RAI1: variants seen among roughly 807,000 people sequenced by gnomAD.
RAI1 encodes retinoic acid-induced protein 1.
RAI1 carries 9 observed loss-of-function variants against 123.8 expected under a neutral mutation model. The ratio of observed to expected loss-of-function variants is 0.07; its 90% CI spans 0.04 to 0.13. The LOEUF is 0.13. RAI1 is among the 10% of genes least tolerant of loss of function. The pLI is 1.00. For synonymous variants in RAI1, 1,231 were observed against 1,127.3 expected (o/e 1.09, Z -1.84); for missense variants, 2,256 against 2,545.8 (o/e 0.89, Z 2.45).
intron 2 of RAI1, among the ~76,000 whole-genome samples, chr17:17,725,808 C>T (rs543364962): frequency 1.3e-5 from 2 of 152,184 alleles, no homozygotes; most frequent in South Asian, 4.1e-4. Flanking sequence ...AAGGCAATTC[C>T]TCTCCCTACT....
At position 17,798,279 on chromosome 17, in the gene RAI1, C is replaced by T; in HGVS notation, c.5331C>T (p.Ser1777=). 1 of 1,598,198 alleles carries T rather than the reference C, an allele frequency of 6.3e-7. No individual in the cohort carries two copies. The highest frequency in any genetic ancestry group is 8.5e-7 in the Non-Finnish European group (1 of 1,171,920). ...GPLRTSARGL[S]RRLQSCYCCD... is the part of the protein sequence containing the mutation. ...TGCGCACCAGTGCCCGGGGCCTGTC[C>T]CGGAGGCTGCAGAGCTGCTACTGCT... Residue 1777 remains serine (S), a synonymous_variant, in exon 3 of 6, where the codon TCC becomes TCT. Transcript: ENST00000353383.
Position 17,798,381 on chromosome 17 carries a change from T to C in RAI1, c.5433T>C (p.Ala1811=), listed in dbSNP as rs372753422. The change falls in exon 3 of 6, where the codon GCT becomes GCC. Residue 1811 remains alanine, a synonymous_variant. Coordinates refer to ENST00000353383, the MANE Select transcript of RAI1 (RefSeq NM_030665.4). The stretch of plus-strand genomic sequence containing the variant: ...GCAAACATGAGTGCAGCAAGGAGGC[T>C]CCGGCAGAGCCCGGCGGGGAGGCCC... ...KGRKHECSKE[A]PAEPGGEAQE... The C allele has an allele frequency of 1.9e-6, 3 of 1,609,680 alleles. No individual in the cohort carries two copies. The highest frequency in any genetic ancestry group is 2.7e-5 in the African/African-American group (2 of 74,874).
Position 17,796,095 on chromosome 17 carries a change from G to A in RAI1, c.3147G>A (p.Ser1049=), listed in dbSNP as rs751910089. Residue 1049 remains serine (S), a synonymous_variant, in exon 3 of 6, where the codon TCG becomes TCA. Coordinates refer to ENST00000353383, the MANE Select transcript of RAI1 (RefSeq NM_030665.4). The surrounding 1 kb of genome is among the most constrained non-coding windows in gnomAD (Gnocchi z 5.8). ...CTGGAGCCCCAGGCCGGGGGGCCTC[G>A]GAAGGGCTCCCCAGGATGTGTACTC... The part of the protein sequence containing the change: ...EGAGAPGRGA[S]EGLPRMCTRS... 7.6e-5 allele frequency: 121 copies of A among 1,582,314 alleles called. No homozygotes were observed. The highest frequency in any genetic ancestry group is 1.5e-4 in the African/African-American group (11 of 74,316).
intron 2 of RAI1, among the ~76,000 whole-genome samples, chr17:17,730,216 C>T (rs1162659668): frequency 6.6e-6 from 1 of 152,240 alleles, no homozygotes; most frequent in Non-Finnish European, 1.5e-5. Context: ...CTAAATATCC[C>T]CTTCCTGCCC....
chr17:17,695,517 G>A (rs187765528), intron 1 of RAI1, among the ~76,000 whole-genome samples: 2 of 148,684 alleles, frequency 1.3e-5, no homozygotes, highest in African/African-American at 2.5e-5. Flanking sequence ...CTTTCCCCTG[G>A]TCTTTCTCTC....
chr17:17,775,665 C>T (rs1022979647), intron 2 of RAI1, among the ~76,000 whole-genome samples: 1 of 151,862 alleles, frequency 6.6e-6, no homozygotes, highest in Non-Finnish European at 1.5e-5. Context: ...GAAGTAAAAG[C>T]GGATCATCGT....
chr17:17,734,703 G>A (rs1179060699), intron 2 of RAI1, among the ~76,000 whole-genome samples: 1 of 152,214 alleles, frequency 6.6e-6, no homozygotes, highest in African/African-American at 2.4e-5. Flanking sequence ...CCTATGTGCG[G>A]GTCAGAGCGT....
chr17:17,686,568 CGTGTGTGTGT>C (rs58906330), intron 1 of RAI1, among the ~76,000 whole-genome samples: 118 of 124,502 alleles, frequency 9.5e-4, no homozygotes, highest in African/African-American at 1.1e-3. Flanking sequence ...TTCTTGAACC[CGTGTGTGTGT>C]GTGTGTGTGT....
chr17:17,729,107 C>T (rs1916187168), intron 2 of RAI1, among the ~76,000 whole-genome samples: 1 of 152,186 alleles, frequency 6.6e-6, no homozygotes. Flanking sequence ...CTCGCCCCAC[C>T]TTGCTCCTCC....
At chr17:17,746,216 C>T (rs908808917) in intron 2 of RAI1, among the ~76,000 whole-genome samples, 1 of 152,230 alleles carries the variant, frequency 6.6e-6, no homozygotes, top group African/African-American at 2.4e-5. Context: ...TGCCACCGTG[C>T]CCCCACTCGC....
intron 2 of RAI1, among the ~76,000 whole-genome samples, chr17:17,758,492 T>C (rs1274909264): frequency 6.6e-6 from 1 of 152,124 alleles, no homozygotes; most frequent in East Asian, 1.9e-4. Flanking sequence ...AGAGGAAGCT[T>C]GTGAGATGGA....
At chr17:17,707,236 G>A (rs141473903) in intron 1 of RAI1, among the ~76,000 whole-genome samples, 297 of 152,308 alleles carry the variant, frequency 1.9e-3, no homozygotes, top group African/African-American at 7.0e-3. Context: ...CTTGAGCCCC[G>A]GAGTTTGAAT....
intron 1 of RAI1, among the ~76,000 whole-genome samples, chr17:17,697,645 C>T (rs1915082737): frequency 6.6e-6 from 1 of 152,102 alleles, no homozygotes. Flanking sequence ...GATGGGTTTG[C>T]GTGTGTTCCT....
At position 17,811,188 on chromosome 17, in the gene RAI1, C is replaced by A; in HGVS notation, c.*1207C>A. ...CCCTAGCAACTTCCTGTACATATGA[C>A]TGTAAAATGGTAAACGTGTGTATTA... is the stretch of plus-strand genomic sequence containing the variant. On this transcript the variant is annotated 3_prime_UTR_variant, in exon 6 of 6. Transcript: ENST00000353383. 1 of 322,226 alleles carries A rather than the reference C, an allele frequency of 3.1e-6. No homozygotes were observed. The highest frequency in any genetic ancestry group is 6.1e-6 in the Non-Finnish European group (1 of 164,876). 20.0% of individuals were successfully genotyped at this position (322,226 alleles called of 1,614,324 possible).
intron 1 of RAI1, among the ~76,000 whole-genome samples, chr17:17,698,730 A>G (rs967502479): frequency 2.0e-5 from 3 of 152,212 alleles, no homozygotes; most frequent in African/African-American, 7.2e-5. Context: ...TTGGGGAGGT[A>G]GGAAAGCTCA....
At chr17:17,804,231 C>A in intron 4 of RAI1, 1 of 326,240 alleles carries the variant, frequency 3.1e-6, no homozygotes, top group Non-Finnish European at 6.0e-6. Context: ...TCAGCAGAGA[C>A]AAGGGGAAAG....
intron 2 of RAI1, among the ~76,000 whole-genome samples, chr17:17,746,443 C>A (rs1224580102): frequency 6.6e-6 from 1 of 152,116 alleles, no homozygotes; most frequent in South Asian, 2.1e-4. Flanking sequence ...GAGCCCAGAG[C>A]CCCTGCCCTA....
intron 2 of RAI1, among the ~76,000 whole-genome samples, chr17:17,762,946 C>G (rs2030766944): frequency 6.6e-6 from 1 of 152,114 alleles, no homozygotes; most frequent in Non-Finnish European, 1.5e-5. Flanking sequence ...CTTGGAAACC[C>G]TCCTGCTCCA....
At chr17:17,722,862 A>G (rs948649819) in intron 1 of RAI1, among the ~76,000 whole-genome samples, 8 of 148,478 alleles carry the variant, frequency 5.4e-5, no homozygotes, top group Admixed American at 5.3e-4. Context: ...CCCCACCGCT[A>G]CTACACGTCG....
Sources: gnomAD v4.1 joint callset for allele counts (sites outside exome capture counted in the v4.1 genomes callset) on GRCh38, gnomAD v4.1.1 for gene constraint, Gnocchi (gnomAD v3.1) non-coding constraint, MANE v1.5 for transcripts, NCBI Gene and HGNC (gene_info 2026-07-23, HGNC 2026-07-21) for gene names.